The following ZNF804A variants were observed in gnomAD, a reference collection of about 807,000 sequenced individuals.
ZNF804A encodes the protein zinc finger protein 804A.
In ZNF804A, 2 loss-of-function variants were observed where a neutral mutation model predicts 16.5. The observed-to-expected ratio is 0.12, with a 90% CI of 0.05 to 0.38. The LOEUF is 0.38. ZNF804A is among the 10% of genes least tolerant of loss of function. ZNF804A has a pLI of 0.99. For synonymous variants in ZNF804A, 534 were observed against 489.6 expected, an observed-to-expected ratio of 1.09 and a Z score of -1.20; for missense variants, 1,473 against 1,390.7, an observed-to-expected ratio of 1.06 and a Z score of -0.94.
chr2:184,885,073 AC>A (rs1684866172), intron 2 of ZNF804A, among the ~76,000 whole-genome samples: 1 of 152,212 alleles, frequency 6.6e-6, no homozygotes, highest in African/African-American at 2.4e-5. Context: ...GAAGATATAC[AC>A]ATGGCCACCA....
intron 1 of ZNF804A, among the ~76,000 whole-genome samples, chr2:184,749,751 A>G (rs1693848067): frequency 6.6e-6 from 1 of 151,214 alleles, no homozygotes. Context: ...ACTTTATGGC[A>G]TTTCTTGTGG....
intron 2 of ZNF804A, among the ~76,000 whole-genome samples, chr2:184,906,611 T>C (rs555008241): frequency 1.3e-5 from 2 of 152,142 alleles, no homozygotes; most frequent in Non-Finnish European, 2.9e-5. Flanking sequence ...CATTTCCTTT[T>C]TAATGTCATC....
chr2:184,866,375 G>C lies in ZNF804A; in HGVS notation c.118G>C (p.Ala40Pro), dbSNP rs893848342. Reference protein sequence around the residue: ...SKNGNKTLDYAEKENTIAKAL... With the variant: ...SKNGNKTLDYPEKENTIAKAL... ...TTGAAATTTTATTTTTCAGGACTAT[G>C]CTGAGAAGGAAAATACCATAGCAAA... Residue 40 changes from alanine (A) to proline (P), a missense_variant, in exon 2 of 4, where the codon GCT becomes CCT. Ala to Pro is a conservative substitution (Grantham distance 27). Coordinates refer to ENST00000302277, the MANE Select transcript of ZNF804A (RefSeq NM_194250.2). 3.7e-6 allele frequency: 6 copies of C among 1,613,106 alleles called. No homozygotes were observed. Among genetic ancestry groups the C allele is most frequent in the Non-Finnish European group, 5.1e-6 (6 of 1,179,480 alleles).
chr2:184,843,800 ATAGT>A lies in ZNF804A; in HGVS notation c.112-22564_112-22561del, dbSNP rs532207995. Among the ~76,000 whole-genome samples, 175 of 152,288 alleles carry A rather than the reference ATAGT, an allele frequency of 1.1e-3. 1 individual carries two copies. The highest frequency in any genetic ancestry group is 7.9e-4 in the Non-Finnish European group (54 of 68,026). ...TTAAAGTGGTTTGCTGTAGACAAAA[ATAGT>A]TAGTCTGGCTTTTTTAACTCACTCT... On this transcript the variant is annotated intron_variant, in intron 1 of 3. Coordinates refer to ENST00000302277, the MANE Select transcript of ZNF804A (RefSeq NM_194250.2).
intron 1 of ZNF804A, among the ~76,000 whole-genome samples, chr2:184,689,400 T>C (rs1301111948): frequency 6.6e-6 from 1 of 152,130 alleles, no homozygotes; most frequent in Non-Finnish European, 1.5e-5. Context: ...TTAATGGTTA[T>C]GTAACCATTG....
At chr2:184,726,679 C>A (rs1447320180) in intron 1 of ZNF804A, among the ~76,000 whole-genome samples, 1 of 151,458 alleles carries the variant, frequency 6.6e-6, no homozygotes, top group Non-Finnish European at 1.5e-5. Flanking sequence ...ATTAAAATTG[C>A]ATTCGTTATC....
chr2:184,902,635 A>T (rs1685204780), intron 2 of ZNF804A: 1 of 152,070 alleles, frequency 6.6e-6, no homozygotes, highest in Non-Finnish European at 1.5e-5. Flanking sequence ...TGTTACTTAG[A>T]GTGCTCTTAA....
At chr2:184,880,061 A>G (rs1357643407) in intron 2 of ZNF804A, among the ~76,000 whole-genome samples, 1 of 152,082 alleles carries the variant, frequency 6.6e-6, no homozygotes, top group African/African-American at 2.4e-5. Flanking sequence ...CAACTACTTC[A>G]GCTGACACAG....
chr2:184,777,869 A>G (rs531283585), intron 1 of ZNF804A, among the ~76,000 whole-genome samples: 82 of 151,752 alleles, frequency 5.4e-4, no homozygotes, highest in African/African-American at 1.9e-3. Flanking sequence ...TACCAACACT[A>G]TAGGAGTGAT....
intron 1 of ZNF804A, among the ~76,000 whole-genome samples, chr2:184,690,847 TA>T (rs1163740620): frequency 6.6e-6 from 1 of 152,080 alleles, no homozygotes; most frequent in Non-Finnish European, 1.5e-5. Context: ...TTTACTTATA[TA>T]ACTATACATG....
At chr2:184,745,304 A>G (rs1203331424) in intron 1 of ZNF804A, among the ~76,000 whole-genome samples, 1 of 151,772 alleles carries the variant, frequency 6.6e-6, no homozygotes, top group African/African-American at 2.4e-5. Context: ...CACTAATTCA[A>G]ATTATAAGAC....
At chr2:184,821,478 C>T (rs758410048) in intron 1 of ZNF804A, among the ~76,000 whole-genome samples, 21 of 152,050 alleles carry the variant, frequency 1.4e-4, no homozygotes, top group Non-Finnish European at 2.6e-4. Flanking sequence ...AAAATCTACG[C>T]AATGCCATTC....
chr2:184,731,011 G>A (rs1254781506), intron 1 of ZNF804A, among the ~76,000 whole-genome samples: 1 of 151,952 alleles, frequency 6.6e-6, no homozygotes, highest in East Asian at 1.9e-4. Context: ...GAGAGGACGA[G>A]GTGGGTGGAT....
chr2:184,712,417 C>T (rs1693144788), intron 1 of ZNF804A, among the ~76,000 whole-genome samples: 1 of 151,600 alleles, frequency 6.6e-6, no homozygotes, highest in Non-Finnish European at 1.5e-5. Context: ...TGAAGCTCTC[C>T]CATACATGAT....
At chr2:184,612,359 T>C (rs1208657580) in intron 1 of ZNF804A, among the ~76,000 whole-genome samples, 2 of 152,148 alleles carry the variant, frequency 1.3e-5, no homozygotes, top group East Asian at 3.8e-4. Context: ...ATAGTACAGA[T>C]TGTTTAAAAT....
Position 184,937,535 on chromosome 2 carries a change from A to C in ZNF804A, c.2139A>C (p.Lys713Asn), listed in dbSNP as rs1196129629. ...ATGCAACAATGATACATTCTGGGAA[A>C]CATAATTTAACATATTCTAGAACTT... ...QSNATMIHSGKHNLTYSRTYC... is the reference protein window; with the variant it reads ...QSNATMIHSGNHNLTYSRTYC... The change falls in exon 4 of 4, where the codon AAA becomes AAC. Residue 713 changes from lysine (K) to asparagine (N), a missense_variant. Coordinates refer to ENST00000302277, the MANE Select transcript of ZNF804A (RefSeq NM_194250.2). 2 of 1,612,458 alleles carry C rather than the reference A, an allele frequency of 1.2e-6. No individual in the cohort carries two copies. Among genetic ancestry groups the C allele is most frequent in the East Asian group, 2.2e-5 (1 of 44,806 alleles).
intron 2 of ZNF804A, among the ~76,000 whole-genome samples, chr2:184,898,164 G>T (rs1416244286): frequency 6.6e-6 from 1 of 152,038 alleles, no homozygotes; most frequent in African/African-American, 2.4e-5. Flanking sequence ...ACTTAACCCT[G>T]TGTTATTAAT....
chr2:184,732,736 A>G (rs750117587), intron 1 of ZNF804A, among the ~76,000 whole-genome samples: 7 of 152,092 alleles, frequency 4.6e-5, no homozygotes, highest in Non-Finnish European at 1.0e-4. Flanking sequence ...ATATAGATAT[A>G]TATTTTTTAA....
intron 1 of ZNF804A, among the ~76,000 whole-genome samples, chr2:184,826,717 G>A (rs72905722): frequency 2.8e-4 from 43 of 151,966 alleles, no homozygotes; most frequent in South Asian, 8.3e-4. Context: ...TACTCTAACC[G>A]TTGAAAAAAT....
Sources: gnomAD v4.1 joint callset for allele counts (sites outside exome capture counted in the v4.1 genomes callset) on GRCh38, gnomAD v4.1.1 for gene constraint, MANE v1.5 for transcripts, NCBI Gene and HGNC (gene_info 2026-07-23, HGNC 2026-07-21) for gene names.